Variants in PACRG observed in about 807,000 individuals in gnomAD.
PACRG encodes parkin coregulated, also known as parkin coregulated gene protein.
A neutral mutation model predicts 29.7 loss-of-function variants in PACRG; 29 were observed. The observed-to-expected ratio is 0.98, with a 90% CI of 0.73 to 1.33. The LOEUF (loss-of-function observed/expected upper bound fraction) is 1.33. Among genes scored for constraint, PACRG ranks in the 40% most tolerant of loss-of-function variants. The pLI, the probability that PACRG is intolerant of heterozygous loss-of-function variation, is 0.00. For synonymous variants in PACRG, 116 were observed against 118.7 expected (o/e 0.98, Z 0.15); for missense variants, 279 against 316.2 (o/e 0.88, Z 0.89).
At chr6:162,879,224 C>T (rs937164438) in intron 2 of PACRG, among the ~76,000 whole-genome samples, 1 of 152,170 alleles carries the variant, frequency 6.6e-6, no homozygotes, top group African/African-American at 2.4e-5. Context: ...AGACATAGCC[C>T]ACTTTAACCT....
intron 2 of PACRG, among the ~76,000 whole-genome samples, chr6:162,958,870 TATATATATATATATAGAG>T (rs1287455615): frequency 5.8e-5 from 4 of 69,472 alleles, no homozygotes; most frequent in African/African-American, 2.3e-4. Context: ...TATATATATA[TATATATATATATATAGAG>T]AGAGAGAGAG....
chr6:163,097,407 T>TTG (rs1457683553), intron 4 of PACRG, among the ~76,000 whole-genome samples: 1 of 152,142 alleles, frequency 6.6e-6, no homozygotes, highest in Non-Finnish European at 1.5e-5. Flanking sequence ...CAAGAATGGC[T>TTG]TGTGTAAGAG....
At chr6:162,896,525 C>G (rs1012780622) in intron 2 of PACRG, among the ~76,000 whole-genome samples, 1 of 152,074 alleles carries the variant, frequency 6.6e-6, no homozygotes, top group East Asian at 1.9e-4. Flanking sequence ...CAGGCAAATC[C>G]GTGGTAAAAT....
intron 4 of PACRG, chr6:163,244,933 T>C (rs1183709065): frequency 2.8e-6 from 1 of 360,834 alleles, no homozygotes; most frequent in Non-Finnish European, 5.6e-6. Flanking sequence ...TATGCTTCTC[T>C]TTTTAGTAAC....
intron 2 of PACRG, among the ~76,000 whole-genome samples, chr6:162,825,238 TTA>T (rs1186606212): frequency 2.6e-5 from 4 of 152,142 alleles, no homozygotes; most frequent in African/African-American, 9.7e-5. Context: ...TTGAAAAAAA[TTA>T]TGTTTTTACC....
intron 4 of PACRG, among the ~76,000 whole-genome samples, chr6:163,282,838 C>A (rs891450041): frequency 6.6e-6 from 1 of 152,082 alleles, no homozygotes; most frequent in South Asian, 2.1e-4. Flanking sequence ...TGGGAAACAA[C>A]AATTTCTTTC....
intron 2 of PACRG, among the ~76,000 whole-genome samples, chr6:162,850,793 C>G (rs1790790802): frequency 6.6e-6 from 1 of 152,188 alleles, no homozygotes; most frequent in African/African-American, 2.4e-5. Flanking sequence ...GCTACTCTAG[C>G]AAATTAACCA....
intron 2 of PACRG, among the ~76,000 whole-genome samples, chr6:162,823,344 T>G (rs1379935710): frequency 1.3e-5 from 2 of 152,198 alleles, no homozygotes; most frequent in Non-Finnish European, 2.9e-5. Flanking sequence ...AGTTTTCTTT[T>G]GTAATATTAC....
At chr6:162,893,557 C>T (rs1179255900) in intron 2 of PACRG, among the ~76,000 whole-genome samples, 1 of 146,112 alleles carries the variant, frequency 6.8e-6, no homozygotes, top group Admixed American at 6.8e-5. Context: ...TTTTCAGAGG[C>T]ACCACGCGTG....
chr6:162,807,683 A>T, intron 1 of PACRG, among the ~76,000 whole-genome samples: 1 of 151,354 alleles, frequency 6.6e-6, no homozygotes, highest in East Asian at 1.9e-4. Flanking sequence ...CATAACAGAT[A>T]TAATAATGAT....
At chr6:162,834,308 T>C (rs1254237088) in intron 2 of PACRG, among the ~76,000 whole-genome samples, 1 of 152,134 alleles carries the variant, frequency 6.6e-6, no homozygotes, top group Non-Finnish European at 1.5e-5. Context: ...AATTAGACAT[T>C]AAAATATCAG....
chr6:162,874,147 A>ATATAT (rs1165938489), intron 2 of PACRG, among the ~76,000 whole-genome samples: 78 of 109,748 alleles, frequency 7.1e-4, no homozygotes, highest in Admixed American at 3.0e-3. Context: ...GTTAAAAAAA[A>ATATAT]AAAAATATAT....
intron 4 of PACRG, among the ~76,000 whole-genome samples, chr6:163,134,577 C>T (rs1216459273): frequency 6.6e-6 from 1 of 152,026 alleles, no homozygotes; most frequent in Non-Finnish European, 1.5e-5. Flanking sequence ...TAGGACATGC[C>T]GTCAATTTTG....
At chr6:163,156,334 G>A (rs147997008) in intron 4 of PACRG, among the ~76,000 whole-genome samples, 83 of 152,292 alleles carry the variant, frequency 5.5e-4, no homozygotes, top group Middle Eastern at 6.8e-3. Flanking sequence ...CCCCAAGCCT[G>A]CTGCTTGTCC....
intron 4 of PACRG, among the ~76,000 whole-genome samples, chr6:163,314,420 C>G (rs1180598401): frequency 6.6e-6 from 1 of 152,162 alleles, no homozygotes; most frequent in African/African-American, 2.4e-5. Context: ...CATTCCAAAG[C>G]AGATCCATTT....
chr6:163,095,955 G>A (rs749411976), intron 4 of PACRG, among the ~76,000 whole-genome samples: 1 of 152,106 alleles, frequency 6.6e-6, no homozygotes, highest in Non-Finnish European at 1.5e-5. Context: ...ATAAATAAAG[G>A]TAGAGGTTTT....
At chr6:162,810,014 C>A (rs1225281881) in intron 1 of PACRG, among the ~76,000 whole-genome samples, 3 of 152,102 alleles carry the variant, frequency 2.0e-5, no homozygotes, top group Non-Finnish European at 4.4e-5. Flanking sequence ...CCTAGAGAGT[C>A]AGGAATTTCA....
intron 1 of PACRG, among the ~76,000 whole-genome samples, chr6:162,734,836 A>G (rs1478070854): frequency 1.3e-5 from 2 of 152,202 alleles, no homozygotes; most frequent in Non-Finnish European, 2.9e-5. Context: ...GATACAACCA[A>G]CACCCAAATC....
chr6:163,148,333 A>G (rs1237294016), intron 4 of PACRG, among the ~76,000 whole-genome samples: 2 of 152,144 alleles, frequency 1.3e-5, no homozygotes, highest in African/African-American at 2.4e-5. Context: ...CATTTTTTTC[A>G]TTGAATAATT....
Sources: allele counts gnomAD v4.1 joint callset (sites outside exome capture counted in the v4.1 genomes callset), GRCh38; gene constraint gnomAD v4.1.1; transcripts MANE v1.5; gene names NCBI Gene and HGNC (gene_info 2026-07-23, HGNC 2026-07-21).